TMPRSS15: variants seen among roughly 807,000 people sequenced by gnomAD.
TMPRSS15 encodes transmembrane serine protease 15.
In TMPRSS15, 128 loss-of-function variants were observed where a neutral mutation model predicts 125.3. The ratio of observed to expected loss-of-function variants is 1.02; its 90% CI spans 0.89 to 1.18. The LOEUF (loss-of-function observed/expected upper bound fraction) is 1.18, where lower values mean the gene tolerates loss of function less well. TMPRSS15 is among the 50% of genes most tolerant of loss of function. The pLI is 0.00. For missense variants in TMPRSS15, 1,283 were observed against 1,212.7 expected, an observed-to-expected ratio of 1.06 and a Z score of -0.86; for synonymous variants, 446 against 423.2, an observed-to-expected ratio of 1.05 and a Z score of -0.66.
chr21:18,326,376 C>G, intron 16 of TMPRSS15, 56 bp downstream of exon 16: 2 of 1,610,732 alleles, frequency 1.2e-6, no homozygotes, highest in Non-Finnish European at 1.7e-6. Flanking sequence ...ATTCTGTACA[C>G]CTTTGCTGTT....
At chr21:18,274,857 A>C (rs191644904) in intron 24 of TMPRSS15, among the ~76,000 whole-genome samples, 2 of 152,292 alleles carry the variant, frequency 1.3e-5, no homozygotes, top group East Asian at 3.9e-4. Flanking sequence ...TGGGGTTTAA[A>C]ATAATTGGAA....
intron 1 of TMPRSS15, among the ~76,000 whole-genome samples, chr21:18,459,042 G>A (rs895255227): frequency 9.2e-5 from 14 of 152,112 alleles, no homozygotes; most frequent in African/African-American, 3.4e-4. Context: ...AGTCAATGAT[G>A]TGTCTTTGAT....
At chr21:18,368,708 G>A (rs928623136) in intron 6 of TMPRSS15, among the ~76,000 whole-genome samples, 2 of 152,160 alleles carry the variant, frequency 1.3e-5, no homozygotes, top group African/African-American at 4.8e-5. Flanking sequence ...ATGTTACTAA[G>A]TTTTAGTGGG....
At chr21:18,286,128 C>T (rs2018454479) in intron 21 of TMPRSS15, among the ~76,000 whole-genome samples, 1 of 152,164 alleles carries the variant, frequency 6.6e-6, no homozygotes, top group African/African-American at 2.4e-5. Flanking sequence ...CACTTGACTT[C>T]CAGGATTCAC....
chr21:18,359,978 ACT>A, intron 7 of TMPRSS15, 115 bp from the exon 8 acceptor site: 1 of 596,364 alleles, frequency 1.7e-6, no homozygotes, highest in Non-Finnish European at 3.1e-6. Context: ...TATGATATCT[ACT>A]CTCTTAAATT....
At chr21:18,288,559 G>A (rs2074794401) in intron 21 of TMPRSS15, among the ~76,000 whole-genome samples, 1 of 75,902 alleles carries the variant, frequency 1.3e-5, no homozygotes. Context: ...TTTTTGAGAT[G>A]GAGTGTTGTG....
At chr21:18,465,659 C>T (rs1246990470) in intron 1 of TMPRSS15, among the ~76,000 whole-genome samples, 3 of 152,012 alleles carry the variant, frequency 2.0e-5, no homozygotes, top group Non-Finnish European at 2.9e-5. Context: ...CTCCCATTCA[C>T]AATTGTTACA....
chr21:18,353,036 A>C lies in TMPRSS15; in HGVS notation c.1038T>G (p.Asn346Lys). The change falls in exon 10 of 25, where the codon AAT (asparagine) becomes AAG (lysine). Residue 346 changes from asparagine to lysine, a missense_variant. Coordinates refer to ENST00000284885, the MANE Select transcript of TMPRSS15 (RefSeq NM_002772.3). ...SSELNNYEKINCNFEDGFCFW... is the reference protein window; with the variant it reads ...SSELNNYEKIKCNFEDGFCFW... ...AACAAAAGCCATCCTCAAAGTTACA[A>C]TTAATTTTCTCATAATCTGTGAATG... 6.2e-7 allele frequency: 1 copy of C among 1,610,492 alleles called. No homozygotes were observed. The highest frequency in any genetic ancestry group is 8.5e-7 in the Non-Finnish European group (1 of 1,178,506).
At chr21:18,484,754 T>C (rs1453725354) in intron 1 of TMPRSS15, among the ~76,000 whole-genome samples, 2 of 151,852 alleles carry the variant, frequency 1.3e-5, no homozygotes, top group Non-Finnish European at 2.9e-5. Flanking sequence ...CTGTGCTCTA[T>C]ATTCTGTTCC....
chr21:18,332,483 A>C (rs906928360), intron 13 of TMPRSS15, among the ~76,000 whole-genome samples: 6 of 152,012 alleles, frequency 3.9e-5, no homozygotes, highest in Non-Finnish European at 5.9e-5. Context: ...TTTTCTTATA[A>C]ATTTAAGTTC....
chr21:18,409,079 T>C (rs1266577347), intron 1 of TMPRSS15, among the ~76,000 whole-genome samples: 1 of 152,148 alleles, frequency 6.6e-6, no homozygotes, highest in Non-Finnish European at 1.5e-5. Flanking sequence ...TCTTTTATAC[T>C]TGACTGATAA....
At chr21:18,334,030 A>G (rs116218843) in intron 13 of TMPRSS15, among the ~76,000 whole-genome samples, 1,829 of 152,280 alleles carry the variant, frequency 0.012, 26 homozygotes, top group African/African-American at 0.037. Context: ...TTTACCCCCA[A>G]TAAACTAGAA....
At chr21:18,378,282 GT>G (rs1000853798) in intron 5 of TMPRSS15, among the ~76,000 whole-genome samples, 3 of 152,100 alleles carry the variant, frequency 2.0e-5, no homozygotes, top group Non-Finnish European at 4.4e-5. Context: ...AATTTTCCAT[GT>G]TAGAGACAGG....
intron 8 of TMPRSS15, among the ~76,000 whole-genome samples, chr21:18,355,506 G>A (rs1054640151): frequency 3.3e-5 from 5 of 151,764 alleles, no homozygotes; most frequent in Non-Finnish European, 5.9e-5. Context: ...TAGTCTTAAA[G>A]TCTCCTTGCC....
intron 10 of TMPRSS15, among the ~76,000 whole-genome samples, chr21:18,344,801 C>T (rs2075487999): frequency 6.6e-6 from 1 of 152,110 alleles, no homozygotes. Context: ...GTTTCCTGCT[C>T]ACATATTATG....
chr21:18,344,553 T>A lies in TMPRSS15; in HGVS notation c.1172-493A>T, dbSNP rs183468235. 2.6e-5 allele frequency among the ~76,000 whole-genome samples: 4 copies of A among 152,320 alleles called. No homozygotes were observed. The East Asian group carries it at 5.8e-4, about 22-fold the overall frequency. On this transcript the variant is annotated intron_variant, in intron 10 of 24. Coordinates refer to ENST00000284885, the MANE Select transcript of TMPRSS15 (RefSeq NM_002772.3). ...TCATATCTCTAAATAAGAACCTGCC[T>A]TATTTTAAAACAGTCTTATCTTTCT... is the stretch of plus-strand genomic sequence containing the variant.
chr21:18,369,380 A>T (rs2075770116), intron 6 of TMPRSS15, among the ~76,000 whole-genome samples: 1 of 152,226 alleles, frequency 6.6e-6, no homozygotes. Flanking sequence ...ACTTCCAAAG[A>T]GTTAAGCATT....
intron 15 of TMPRSS15, among the ~76,000 whole-genome samples, chr21:18,326,870 CCAGA>C (rs1188944747): frequency 1.3e-5 from 2 of 152,008 alleles, no homozygotes; most frequent in Admixed American, 6.6e-5. Context: ...TCATGTTATC[CCAGA>C]CAAATGACTG....
At chr21:18,401,081 A>G (rs977424776) in intron 1 of TMPRSS15, among the ~76,000 whole-genome samples, 2 of 152,176 alleles carry the variant, frequency 1.3e-5, no homozygotes, top group African/African-American at 4.8e-5. Flanking sequence ...GAAAAACAAC[A>G]GATGTTGACA....
Sources: allele counts gnomAD v4.1 joint callset (sites outside exome capture counted in the v4.1 genomes callset), GRCh38; gene constraint gnomAD v4.1.1; transcripts MANE v1.5; gene names NCBI Gene and HGNC (gene_info 2026-07-23, HGNC 2026-07-21).